The following WWC1 variants were observed in gnomAD, a reference collection of about 807,000 sequenced individuals.
The protein encoded by WWC1 is protein KIBRA.
Under a neutral mutation model 138.4 loss-of-function variants are expected in WWC1, and 55 were observed. The ratio of observed to expected loss-of-function variants is 0.40; its 90% CI spans 0.32 to 0.50. WWC1 has a LOEUF of 0.50. Ranked by LOEUF, WWC1 falls within the 20% of genes least tolerant of loss-of-function variation. The pLI, the probability that WWC1 is intolerant of heterozygous loss-of-function variation, is 0.72. For missense variants in WWC1, 1,226 were observed against 1,420.4 expected (o/e 0.86, Z 2.20); for synonymous variants, 524 against 564.9 (o/e 0.93, Z 1.03).
rs1779430807 is a variant in WWC1, at chr5:168,403,006, T to TTTCTTTCTTTCTTTC, written c.591-3190_591-3189insCTTTCTTTCTTTCTT. On this transcript the variant is annotated intron_variant, in intron 5 of 22. Transcript: ENST00000265293. ...AGCAGCCAAAAGCTCTGTTGTTTCT[T>TTTCTTTCTTTCTTTC]TTTCTTTCTTTCTTTCTTTCTTTCT... Among the ~76,000 whole-genome samples, 403 of 105,668 alleles carry TTTCTTTCTTTCTTTC rather than the reference T, an allele frequency of 3.8e-3. 17 individuals are homozygous for TTTCTTTCTTTCTTTC. Among genetic ancestry groups the TTTCTTTCTTTCTTTC allele is most frequent in the East Asian group, 0.019 (74 of 3,872 alleles). 69.3% of individuals were successfully genotyped at this position (105,668 alleles called of 152,430 possible). A position where few individuals can be genotyped will look rare whatever the true frequency, so the allele number is the denominator to read the frequency against.
chr5:168,394,858 C>T (rs573914747), intron 3 of WWC1, among the ~76,000 whole-genome samples: 1 of 152,306 alleles, frequency 6.6e-6, no homozygotes, highest in South Asian at 2.1e-4. Flanking sequence ...ATTCCTCAGG[C>T]TGTACATACA....
At chr5:168,401,861 A>G (rs1269321788) in intron 5 of WWC1, among the ~76,000 whole-genome samples, 1 of 152,162 alleles carries the variant, frequency 6.6e-6, no homozygotes, top group Non-Finnish European at 1.5e-5. Flanking sequence ...CAATAGTATA[A>G]GCTTAGAAAA....
intron 11 of WWC1, among the ~76,000 whole-genome samples, chr5:168,424,949 T>C (rs1318200924): frequency 1.3e-5 from 2 of 152,240 alleles, no homozygotes; most frequent in Admixed American, 1.3e-4. Context: ...TAAGATTTAT[T>C]AGGAGAAAAC....
chr5:168,464,591 G>T, intron 20 of WWC1, 138 bp from the exon 21 acceptor site: 1 of 1,401,490 alleles, frequency 7.1e-7, no homozygotes, highest in Non-Finnish European at 9.5e-7. Flanking sequence ...TTCAAAACAG[G>T]CTTCCCAGGG....
intron 17 of WWC1, among the ~76,000 whole-genome samples, chr5:168,451,429 G>T (rs77857056): frequency 0.016 from 2,418 of 152,290 alleles, 29 homozygotes; most frequent in Middle Eastern, 0.034. Context: ...GTTAGGCCAG[G>T]CTCAGTGGCT....
intron 3 of WWC1, among the ~76,000 whole-genome samples, chr5:168,391,527 T>C (rs1778490847): frequency 6.6e-6 from 1 of 151,034 alleles, no homozygotes; most frequent in Non-Finnish European, 1.5e-5. Flanking sequence ...GGCGTGGTGG[T>C]GGGTGCCTGT....
chr5:168,419,221 T>C (rs9313413), intron 9 of WWC1, among the ~76,000 whole-genome samples: 65,140 of 151,622 alleles, frequency 0.43, 15,396 homozygotes, highest in East Asian at 0.77. Context: ...TTTCACTCCC[T>C]AGTCCAGGGA....
Position 168,407,575 on chromosome 5 carries a change from T to G in WWC1, c.721-932T>G, listed in dbSNP as rs940356986. On this transcript the variant is annotated intron_variant, in intron 6 of 22. Transcript: ENST00000265293. ...CAGCAGCCCAGTGAAAACATTTAGA[T>G]GAAGAGCTCATGGACAGTGAGGCAT... is the stretch of plus-strand genomic sequence containing the variant. Among the ~76,000 whole-genome samples, 6 of 152,346 alleles carry G rather than the reference T, an allele frequency of 3.9e-5. No individual in the cohort carries two copies. In the East Asian group the frequency reaches 1.2e-3, roughly 29 times the overall value.
intron 2 of WWC1, among the ~76,000 whole-genome samples, chr5:168,376,921 G>GA (rs1561678377): frequency 6.6e-6 from 1 of 152,094 alleles, no homozygotes; most frequent in Non-Finnish European, 1.5e-5. Flanking sequence ...CACAGAATTA[G>GA]AAAAAACTAT....
intron 2 of WWC1, among the ~76,000 whole-genome samples, chr5:168,374,634 G>A (rs745438457): frequency 6.6e-6 from 1 of 152,194 alleles, no homozygotes; most frequent in Non-Finnish European, 1.5e-5. Flanking sequence ...CAGAGGCCTA[G>A]CTCTTCCGCT....
chr5:168,368,799 C>T (rs1776518389), intron 1 of WWC1, among the ~76,000 whole-genome samples: 1 of 152,212 alleles, frequency 6.6e-6, no homozygotes, highest in Non-Finnish European at 1.5e-5. Context: ...AAGCAAGACA[C>T]TGAGAGAAGT....
chr5:168,427,387 G>A (rs1044106035), intron 11 of WWC1, among the ~76,000 whole-genome samples: 1 of 151,956 alleles, frequency 6.6e-6, no homozygotes, highest in Non-Finnish European at 1.5e-5. Flanking sequence ...TACAAATGAG[G>A]CATCTGAGGC....
chr5:168,463,474 C>G (rs1356969339), intron 20 of WWC1, among the ~76,000 whole-genome samples: 8 of 152,036 alleles, frequency 5.3e-5, no homozygotes, highest in Non-Finnish European at 5.9e-5. Flanking sequence ...GCAGAAGAGC[C>G]CAGCCAGGAA....
Position 168,427,911 on chromosome 5 carries a change from T to A in WWC1, c.1811-122T>A, listed in dbSNP as rs1193154644. 8 of 701,476 alleles carry A rather than the reference T, an allele frequency of 1.1e-5. No homozygotes were observed. The African/African-American group carries it at 1.2e-4, about 11-fold the overall frequency. The allele number at this position is 701,476 out of a possible 1,614,324, so 43.5% of individuals were successfully genotyped here. A position where few individuals can be genotyped will look rare whatever the true frequency, so the allele number is the denominator to read the frequency against. ...AAGTGGTCGAGGCTGCAGTGAGCCATGATTGTGCCACTGCACTCCAGCCTG... is the reference window on the plus strand; with the variant it reads ...AAGTGGTCGAGGCTGCAGTGAGCCAAGATTGTGCCACTGCACTCCAGCCTG... On this transcript the variant is annotated intron_variant, in intron 11 of 22. Transcript: ENST00000265293.
At chr5:168,467,434 A>G (rs1463896583) in intron 21 of WWC1, among the ~76,000 whole-genome samples, 1 of 152,214 alleles carries the variant, frequency 6.6e-6, no homozygotes, top group African/African-American at 2.4e-5. Flanking sequence ...GCCTCTTAAG[A>G]ACTACTGCAT....
At chr5:168,329,510 G>C (rs1419224488) in intron 1 of WWC1, among the ~76,000 whole-genome samples, 1 of 152,310 alleles carries the variant, frequency 6.6e-6, no homozygotes, top group African/African-American at 2.4e-5. Flanking sequence ...AGGGGAGAAG[G>C]AATGTCCGAA....
At chr5:168,385,065 A>G in intron 2 of WWC1, 146 bp from the exon 3 acceptor site, 4 of 766,892 alleles carry the variant, frequency 5.2e-6, no homozygotes, top group Non-Finnish European at 8.3e-6. Flanking sequence ...AATCACTGTC[A>G]TTTAGTAAAT....
chr5:168,347,119 C>A (rs1395898081), intron 1 of WWC1, among the ~76,000 whole-genome samples: 1 of 152,178 alleles, frequency 6.6e-6, no homozygotes, highest in African/African-American at 2.4e-5. Context: ...TTGGATGTCA[C>A]CCCCAGACGT....
intron 1 of WWC1, among the ~76,000 whole-genome samples, chr5:168,348,505 G>T (rs138362464): frequency 6.6e-6 from 1 of 152,190 alleles, no homozygotes; most frequent in Admixed American, 6.5e-5. Flanking sequence ...GTTCCGGGGT[G>T]GGGTGGAAGC....
Sources: allele counts gnomAD v4.1 joint callset (sites outside exome capture counted in the v4.1 genomes callset), GRCh38; gene constraint gnomAD v4.1.1; transcripts MANE v1.5; gene names NCBI Gene and HGNC (gene_info 2026-07-23, HGNC 2026-07-21).